Variants in DHX58 observed in about 807,000 individuals in gnomAD.
DHX58 encodes ATP-dependent RNA helicase DHX58.
Under a neutral mutation model 65.0 loss-of-function variants are expected in DHX58, and 51 were observed. That is an observed-to-expected ratio of 0.78 (90% confidence interval 0.63 to 0.99). DHX58 has a LOEUF of 0.99. Ranked by LOEUF, DHX58 falls within the 50% of genes least tolerant of loss-of-function variation. DHX58 has a pLI of 0.00. For synonymous variants in DHX58, 350 were observed against 365.0 expected (o/e 0.96, Z 0.47); for missense variants, 773 against 891.8 (o/e 0.87, Z 1.70).
Position 42,105,822 on chromosome 17 carries a change from G to A in DHX58, c.1165C>T (p.Gln389Ter), listed in dbSNP as rs1555662522. The A allele has an allele frequency of 6.2e-7, 1 of 1,613,920 alleles. No individual in the cohort carries two copies. The highest frequency in any genetic ancestry group is 1.1e-5 in the South Asian group (1 of 91,076). The part of the protein sequence containing the change: ...SAHSLLLWLQ[Q>*]QQGLQTVDIR... ...TCCACAGTCTGCAGGCCCTGCTGCT[G>A]CTGGAGCCAGAGCAGGAGGGAGTGT... is the stretch of plus-strand genomic sequence containing the variant. The change falls in exon 9 of 14, where the codon CAG (glutamine) becomes TAG (stop). Residue 389 changes from glutamine (Q) to a stop codon, truncating the protein, a stop_gained. Transcript: ENST00000251642. LOFTEE classifies it high-confidence loss of function.
In DHX58 at chr17:42,105,015, T is replaced by A; in HGVS notation, c.1401+3A>T. 1.2e-6 allele frequency: 2 copies of A among 1,612,828 alleles called. No individual in the cohort carries two copies. The highest frequency in any genetic ancestry group is 1.7e-6 in the Non-Finnish European group (2 of 1,179,534). On this transcript the variant is annotated splice_donor_region_variant and intron_variant, in intron 10 of 13. Transcript: ENST00000251642. ...GCGGCTGAGTGGAGGAGGATGTGAG[T>A]ACCTGGACCATGGAGATTTCATTGG...
intron 5 of DHX58, among the ~76,000 whole-genome samples, chr17:42,110,223 C>T (rs1252882267): frequency 6.6e-6 from 1 of 150,660 alleles, no homozygotes; most frequent in Non-Finnish European, 1.5e-5. Flanking sequence ...TAAAACCTTG[C>T]AGAGCGCATT....
rs782445994 is a variant in DHX58, at chr17:42,107,809, G to A, written c.806-14C>T. 4 of 1,560,808 alleles carry A rather than the reference G, an allele frequency of 2.6e-6. No individual in the cohort carries two copies. The highest frequency in any genetic ancestry group is 4.7e-5 in the East Asian group (2 of 42,464). ...CAGCCAAAGCCGCTGCGGGAAGAGG[G>A]CGCAGGGTCTGAGCAGCCCACAGCC... On this transcript the variant is annotated splice_polypyrimidine_tract_variant and intron_variant, in intron 7 of 13. Transcript: ENST00000251642.
In DHX58 at chr17:42,110,903, C is replaced by T; in HGVS notation, c.381G>A (p.Leu127=). ...EEHVELTVFS[L]IVVDECHHTH... ...TGTGGTGGCACTCATCCACCACGAT[C>T]AGGGAGAAGACTGAGGGCACAGGGG... Residue 127 remains leucine (L), a synonymous_variant, in exon 5 of 14, where the codon CTG becomes CTA. Coordinates refer to ENST00000251642, the MANE Select transcript of DHX58 (RefSeq NM_024119.3). The T allele has an allele frequency of 1.2e-6, 2 of 1,608,446 alleles. No individual in the cohort carries two copies. Among genetic ancestry groups the T allele is most frequent in the South Asian group, 1.1e-5 (1 of 90,292 alleles).
intron 13 of DHX58, 30 bp downstream of exon 13, chr17:42,102,186 T>C: frequency 6.2e-7 from 1 of 1,611,398 alleles, no homozygotes; most frequent in African/African-American, 1.3e-5. Flanking sequence ...CTGAGGACTC[T>C]GGGGCCTGGG....
rs781934463 is a variant in DHX58, at chr17:42,110,765, G to A, written c.519C>T (p.Gly173=). 4.9e-5 allele frequency: 79 copies of A among 1,612,488 alleles called. No individual in the cohort carries two copies. The highest frequency in any genetic ancestry group is 1.6e-4 in the Middle Eastern group (1 of 6,080). The change falls in exon 5 of 14, where the codon GGC becomes GGT. Residue 173 remains glycine (G), a synonymous_variant. Transcript: ENST00000251642. ...TGGCCCCATCGAGTTTGGAGGCCCC[G>A]CCAGTGCCTGGGGAGGCTGTGAGAC... ...VLGLTASPGT[G]GASKLDGAIN...
At chr17:42,112,008 G>T in intron 2 of DHX58, 105 bp downstream of exon 2, 6 of 1,348,558 alleles carry the variant, frequency 4.4e-6, no homozygotes, top group Non-Finnish European at 6.0e-6. Context: ...CTTGAGGGAG[G>T]TGGGGCAGGA....
chr17:42,112,440 C>T, intron 1 of DHX58, 165 bp downstream of exon 1: 1 of 204,366 alleles, frequency 4.9e-6, no homozygotes. Flanking sequence ...GGGCCCTCCA[C>T]TCATCCCAAC....
chr17:42,106,736 G>C (rs1555662785), intron 8 of DHX58, among the ~76,000 whole-genome samples: 54 of 151,370 alleles, frequency 3.6e-4, no homozygotes, highest in East Asian at 1.4e-3. Flanking sequence ...GGAGGGGGAG[G>C]TTGTAGTGAG....
chr17:42,101,852 G>A lies in DHX58; in HGVS notation c.1946C>T (p.Ala649Val), dbSNP rs781876679. The change falls in exon 14 of 14, where the codon GCC becomes GTC. Residue 649 changes from alanine (A) to valine (V), a missense_variant. Physicochemically the swap from Ala to Val is moderately conservative, Grantham distance 64 (BLOSUM62 0). Coordinates refer to ENST00000251642, the MANE Select transcript of DHX58 (RefSeq NM_024119.3). Reference sequence around the variant, plus strand: ...GAAGGGCACGCGGGACCACTTTTTGGCCTGGATCCGCCCCTGAGGGGTCTC... The same window carrying A: ...GAAGGGCACGCGGGACCACTTTTTGACCTGGATCCGCCCCTGAGGGGTCTC... ...LLETPQGRIQ[A>V]KKWSRVPFSV... The A allele has an allele frequency of 6.2e-7, 1 of 1,614,220 alleles. No individual in the cohort carries two copies. Among genetic ancestry groups the A allele is most frequent in the South Asian group, 1.1e-5 (1 of 91,088 alleles).
chr17:42,102,456 A>G (rs1393885687), intron 12 of DHX58, 144 bp from the exon 13 acceptor site: 7 of 684,466 alleles, frequency 1.0e-5, no homozygotes, highest in Admixed American at 2.4e-5. Flanking sequence ...AGGAAATCCA[A>G]TCTTTGGTGA....
Position 42,102,372 on chromosome 17 carries a change from G to T in DHX58, c.1755-60C>A, listed in dbSNP as rs535031219. On this transcript the variant is annotated intron_variant, in intron 12 of 13. Coordinates refer to ENST00000251642, the MANE Select transcript of DHX58 (RefSeq NM_024119.3). ...GACCCTCCTCAGCCCCGGATCTCAT[G>T]CCCTCCTGCCGGCCAAGTCTCTGCC... is the stretch of plus-strand genomic sequence containing the variant. 4 of 1,462,936 alleles carry T rather than the reference G, an allele frequency of 2.7e-6. No homozygotes were observed. In the South Asian group the frequency reaches 3.4e-5, roughly 12 times the overall value. The allele number at this position is 1,462,936 out of a possible 1,614,324, so 90.6% of individuals were successfully genotyped here.
chr17:42,109,243 T>G, intron 6 of DHX58, 27 bp downstream of exon 6: 1 of 1,594,678 alleles, frequency 6.3e-7, no homozygotes, highest in Non-Finnish European at 8.6e-7. Flanking sequence ...CGGCTCCCGC[T>G]CTCGCCGTGT....
chr17:42,101,925 A>C lies in DHX58; in HGVS notation c.1873T>G (p.Tyr625Asp). 1 of 1,613,368 alleles carries C rather than the reference A, an allele frequency of 6.2e-7. No homozygotes were observed. The highest frequency in any genetic ancestry group is 1.1e-5 in the South Asian group (1 of 90,950). The change falls in exon 14 of 14, where the codon TAC becomes GAC. Residue 625 changes from tyrosine to aspartate, a missense_variant. Coordinates refer to ENST00000251642, the MANE Select transcript of DHX58 (RefSeq NM_024119.3). ...CGEVWGLQMI[Y>D]KSVKLPVLKV... Reference sequence around the variant, plus strand: ...AGCACTGGCAGCTTCACTGACTTGTAGATCATCTGCAGACCCCAGACCTGG... The same window carrying C: ...AGCACTGGCAGCTTCACTGACTTGTCGATCATCTGCAGACCCCAGACCTGG...
chr17:42,111,831 A>G lies in DHX58; in HGVS notation c.62T>C (p.Ile21Thr). The change falls in exon 3 of 14, where the codon ATC becomes ACC. Residue 21 changes from isoleucine to threonine, a missense_variant. Transcript: ENST00000251642. ...IMPALEGKNIIIWLPTGAGKT... is the reference protein window; with the variant it reads ...IMPALEGKNITIWLPTGAGKT... ...CCCGGCACCCGTGGGCAGCCAGATG[A>G]TGATATTCTTGCCCTCCAGGGCAGG... 1.9e-6 allele frequency: 3 copies of G among 1,614,104 alleles called. No individual in the cohort carries two copies. The highest frequency in any genetic ancestry group is 2.5e-6 in the Non-Finnish European group (3 of 1,179,980).
intron 11 of DHX58, 127 bp downstream of exon 11, chr17:42,104,639 T>C: frequency 1.5e-6 from 2 of 1,294,072 alleles, no homozygotes; most frequent in Non-Finnish European, 2.1e-6. Context: ...AAACCTTCCC[T>C]AGGTGGCCAA....
rs1555662253 is a variant in DHX58, at chr17:42,104,884, A to C, written c.1445T>G (p.Val482Gly). The C allele has an allele frequency of 6.2e-7, 1 of 1,614,148 alleles. No individual in the cohort carries two copies. The change falls in exon 11 of 14, where the codon GTA becomes GGA. Residue 482 changes from valine (V) to glycine (G), a missense_variant. By Grantham distance (109) the Val-to-Gly change is moderately radical (BLOSUM62 -3). Transcript: ENST00000251642. ...CAGCTCCCGGCTACCTTCAGTTGCT[A>C]CAAACGCGTATACACTCTGATCGGC... ...ARADQSVYAFVATEGSRELKR... is the reference protein window; with the variant it reads ...ARADQSVYAFGATEGSRELKR...
chr17:42,109,432 A>G (rs2054114966), intron 5 of DHX58, 46 bp from the exon 6 acceptor site: 1 of 1,535,000 alleles, frequency 6.5e-7, no homozygotes, highest in African/African-American at 1.4e-5. Context: ...GTCTGTGGGG[A>G]CAATGGTCAA....
At chr17:42,110,432 A>G (rs916669494) in intron 5 of DHX58, among the ~76,000 whole-genome samples, 1 of 152,238 alleles carries the variant, frequency 6.6e-6, no homozygotes, top group Non-Finnish European at 1.5e-5. Context: ...CATGTTCAAC[A>G]TGCAGAAGGC....
Sources: gnomAD v4.1 joint callset for allele counts (sites outside exome capture counted in the v4.1 genomes callset) on GRCh38, gnomAD v4.1.1 for gene constraint, MANE v1.5 for transcripts, NCBI Gene and HGNC (gene_info 2026-07-23, HGNC 2026-07-21) for gene names.